The following GNAQ variants were observed in gnomAD, a reference collection of about 807,000 sequenced individuals.
GNAQ encodes G protein subunit alpha q, also known as guanine nucleotide-binding protein G(q) subunit alpha.
Under a neutral mutation model 43.9 loss-of-function variants are expected in GNAQ, and 8 were observed. That is an observed-to-expected ratio of 0.18 (90% confidence interval 0.11 to 0.33). GNAQ has a LOEUF of 0.33. GNAQ is among the 10% of genes least tolerant of loss of function. The pLI is 1.00. For synonymous variants in GNAQ, 155 were observed against 170.7 expected (o/e 0.91, Z 0.71); for missense variants, 158 against 450.8 (o/e 0.35, Z 5.88).
chr9:77,872,668 T>C (rs561962242), intron 2 of GNAQ, among the ~76,000 whole-genome samples: 1 of 152,328 alleles, frequency 6.6e-6, no homozygotes, highest in South Asian at 2.1e-4. Context: ...ATCTTCCATT[T>C]CACAGATGTA....
chr9:77,851,725 C>T lies in GNAQ; in HGVS notation c.322-35955G>A, dbSNP rs1203091187. On this transcript the variant is annotated intron_variant, in intron 2 of 6. Coordinates refer to ENST00000286548, the MANE Select transcript of GNAQ (RefSeq NM_002072.5). ...TGGGGGTTATTACAAATGCTGGTAG[C>T]AGCATGTCATGGAAAGTTTGCTCTG... 2.0e-5 allele frequency among the ~76,000 whole-genome samples: 3 copies of T among 152,280 alleles called. No individual in the cohort carries two copies. The East Asian group carries it at 5.8e-4, about 29-fold the overall frequency.
At chr9:77,977,396 G>A (rs148459394) in intron 1 of GNAQ, among the ~76,000 whole-genome samples, 22 of 152,062 alleles carry the variant, frequency 1.4e-4, no homozygotes, top group Non-Finnish European at 2.9e-4. Context: ...ACATGGAGGC[G>A]CCATGAACAC....
intron 4 of GNAQ, 85 bp from the exon 5 acceptor site, chr9:77,794,677 G>A: frequency 1.5e-6 from 1 of 672,606 alleles, no homozygotes; most frequent in Non-Finnish European, 2.4e-6. Flanking sequence ...TACAAACTTA[G>A]GGAAAATATT....
At chr9:77,764,943 G>A (rs1049266367) in intron 5 of GNAQ, among the ~76,000 whole-genome samples, 10 of 152,122 alleles carry the variant, frequency 6.6e-5, no homozygotes, top group African/African-American at 9.7e-5. Flanking sequence ...ACTCTTCCGT[G>A]TTAACATTCT....
At chr9:78,010,384 T>G (rs1474224540) in intron 1 of GNAQ, among the ~76,000 whole-genome samples, 1 of 152,134 alleles carries the variant, frequency 6.6e-6, no homozygotes, top group African/African-American at 2.4e-5. Flanking sequence ...ATGAAAGATT[T>G]CTAATAAACA....
chr9:77,923,399 G>A (rs1309006048), intron 1 of GNAQ, among the ~76,000 whole-genome samples: 1 of 151,512 alleles, frequency 6.6e-6, no homozygotes, highest in Non-Finnish European at 1.5e-5. Flanking sequence ...TTACTTTTCC[G>A]TTACCATAAG....
At chr9:77,761,018 C>T (rs1323969455) in intron 5 of GNAQ, among the ~76,000 whole-genome samples, 4 of 152,096 alleles carry the variant, frequency 2.6e-5, no homozygotes, top group Admixed American at 2.6e-4. Context: ...CGGCAGCCGC[C>T]CCATCTGAGA....
intron 5 of GNAQ, among the ~76,000 whole-genome samples, chr9:77,753,236 C>T (rs1232979452): frequency 1.3e-5 from 2 of 151,970 alleles, no homozygotes; most frequent in South Asian, 2.1e-4. Context: ...GTATGATCAT[C>T]GGGAGGTGGT....
chr9:77,783,918 T>C (rs1250156049), intron 5 of GNAQ, among the ~76,000 whole-genome samples: 2 of 152,020 alleles, frequency 1.3e-5, no homozygotes, highest in Non-Finnish European at 2.9e-5. Flanking sequence ...AAATTCTTGA[T>C]GACAAAAGGA....
intron 1 of GNAQ, among the ~76,000 whole-genome samples, chr9:78,006,142 G>C (rs746983550): frequency 6.6e-6 from 1 of 152,120 alleles, no homozygotes; most frequent in Non-Finnish European, 1.5e-5. Flanking sequence ...GAGGTAAACT[G>C]TCATAAATAG....
chr9:78,014,324 T>TA (rs1823810964), intron 1 of GNAQ, among the ~76,000 whole-genome samples: 1 of 151,992 alleles, frequency 6.6e-6, no homozygotes. Flanking sequence ...GGCTGAGGTT[T>TA]AAAAAAACAA....
At chr9:77,746,247 G>A (rs894204520) in intron 5 of GNAQ, among the ~76,000 whole-genome samples, 2 of 152,134 alleles carry the variant, frequency 1.3e-5, no homozygotes, top group Non-Finnish European at 2.9e-5. Context: ...AGAAGGATAT[G>A]TCCTAGTAAA....
chr9:78,027,025 T>C (rs1227228259), intron 1 of GNAQ, among the ~76,000 whole-genome samples: 2 of 152,210 alleles, frequency 1.3e-5, no homozygotes, highest in Non-Finnish European at 2.9e-5. Flanking sequence ...AACTAGCCTC[T>C]ACACAATAAA....
intron 5 of GNAQ, among the ~76,000 whole-genome samples, chr9:77,737,101 T>G (rs2118246591): frequency 6.6e-6 from 1 of 152,344 alleles, no homozygotes; most frequent in South Asian, 2.1e-4. Flanking sequence ...TATTTAACGG[T>G]TTGTGTATTC....
chr9:77,888,980 CTT>C (rs1384468449), intron 2 of GNAQ, among the ~76,000 whole-genome samples: 2 of 152,166 alleles, frequency 1.3e-5, no homozygotes, highest in South Asian at 2.1e-4. Context: ...TTGAACTCCT[CTT>C]TGTCATTCTA....
intron 2 of GNAQ, among the ~76,000 whole-genome samples, chr9:77,849,484 C>A (rs774706473): frequency 1.3e-5 from 2 of 152,140 alleles, no homozygotes; most frequent in South Asian, 2.1e-4. Context: ...CCCATGGGTA[C>A]CTTACCGGCC....
chr9:77,779,741 A>C (rs1440630310), intron 5 of GNAQ, among the ~76,000 whole-genome samples: 2 of 151,420 alleles, frequency 1.3e-5, no homozygotes, highest in African/African-American at 4.8e-5. Flanking sequence ...TCAAAGAGTG[A>C]TCACTATAGA....
At chr9:77,805,829 G>C (rs1036858430) in intron 3 of GNAQ, among the ~76,000 whole-genome samples, 23 of 152,128 alleles carry the variant, frequency 1.5e-4, no homozygotes, top group African/African-American at 5.3e-4. Context: ...AAAAGAGAAG[G>C]CTTCGAAATT....
At chr9:77,784,546 A>C (rs1001753331) in intron 5 of GNAQ, among the ~76,000 whole-genome samples, 9 of 152,356 alleles carry the variant, frequency 5.9e-5, no homozygotes, top group South Asian at 4.1e-4. Flanking sequence ...TGAAAAACAA[A>C]AAATCTGCAT....
Sources: allele counts gnomAD v4.1 joint callset (sites outside exome capture counted in the v4.1 genomes callset), GRCh38; gene constraint gnomAD v4.1.1; transcripts MANE v1.5; gene names NCBI Gene and HGNC (gene_info 2026-07-23, HGNC 2026-07-21).